IFT27: variants seen among roughly 807,000 people sequenced by gnomAD.
The protein encoded by IFT27 is intraflagellar transport 27.
Under a neutral mutation model 23.9 loss-of-function variants are expected in IFT27, and 19 were observed. The observed-to-expected ratio is 0.79, with a 90% CI of 0.55 to 1.16. The LOEUF (loss-of-function observed/expected upper bound fraction) is 1.16, where lower values mean the gene tolerates loss of function less well. IFT27 is among the 50% of genes most tolerant of loss of function. The probability of loss-of-function intolerance (pLI) is 0.00; values close to 1 mark genes in which losing one functional copy is unlikely to be tolerated. For synonymous variants in IFT27, 91 were observed against 89.1 expected (o/e 1.02, Z -0.12); for missense variants, 206 against 228.7 (o/e 0.90, Z 0.64).
chr22:36,760,188 T>C (rs1938045524), intron 6 of IFT27: 1 of 152,202 alleles, frequency 6.6e-6, no homozygotes, highest in African/African-American at 2.4e-5. Flanking sequence ...GGCAAGCCAG[T>C]GTCGGGGTAA....
rs1427897621 is a variant in IFT27, at chr22:36,773,519, TG to T, written c.34+2154del. Among the ~76,000 whole-genome samples, 200 of 151,256 alleles carry T rather than the reference TG, an allele frequency of 1.3e-3. 2 individuals carry two copies. The highest frequency in any genetic ancestry group is 6.8e-3 in the Middle Eastern group (2 of 294). On this transcript the variant is annotated intron_variant, in intron 1 of 6. Coordinates refer to ENST00000433985, the MANE Select transcript of IFT27 (RefSeq NM_001177701.3). ...AATACAAAAAATTAGCTGGGTATGG[TG>T]GTGGGCGCCTGTAATCCCAGCTACT...
Position 36,758,321 on chromosome 22 carries a change from G to A in IFT27, c.551C>T (p.Ala184Val), listed in dbSNP as rs1937985949. Residue 184 changes from alanine to valine, a missense_variant, in exon 7 of 7, where the codon GCC (alanine) becomes GTC (valine). Ala to Val is a moderately conservative substitution (Grantham distance 64, BLOSUM62 0). Transcript: ENST00000433985. Reference protein sequence around the residue: ...LYREKVEVFRALA With the variant: ...LYREKVEVFRVLA Reference sequence around the variant, plus strand: ...ATCTGCTCCAGCTCGTCATGCCAGGGCCCGGAAAACCTCCACCTTCTCCCG... The same window carrying A: ...ATCTGCTCCAGCTCGTCATGCCAGGACCCGGAAAACCTCCACCTTCTCCCG... 6.2e-7 allele frequency: 1 copy of A among 1,613,718 alleles called. No individual in the cohort carries two copies. Among genetic ancestry groups the A allele is most frequent in the Non-Finnish European group, 8.5e-7 (1 of 1,179,584 alleles).
In IFT27 at chr22:36,769,227, C is replaced by T. The variant is rs1203389148; in HGVS notation, c.35-1365G>A. On this transcript the variant is annotated intron_variant, in intron 1 of 6. Coordinates refer to ENST00000433985, the MANE Select transcript of IFT27 (RefSeq NM_001177701.3). The stretch of plus-strand genomic sequence containing the variant: ...CACACAATCCCATTCATTCCTTCCC[C>T]GCCAAGGTATCATTCACCTTACCTG... Among the ~76,000 whole-genome samples, 3 of 152,182 alleles carry T rather than the reference C, an allele frequency of 2.0e-5. No homozygotes were observed. In the East Asian group the frequency reaches 5.8e-4, roughly 29 times the overall value.
At chr22:36,769,511 T>G (rs1601500450) in intron 1 of IFT27, among the ~76,000 whole-genome samples, 1 of 152,158 alleles carries the variant, frequency 6.6e-6, no homozygotes, top group Non-Finnish European at 1.5e-5. Flanking sequence ...CACGCCACCA[T>G]GACCAGCTAA....
chr22:36,768,056 G>A (rs1218426237), intron 1 of IFT27, 194 bp from the exon 2 acceptor site: 1 of 694,042 alleles, frequency 1.4e-6, no homozygotes, highest in South Asian at 1.5e-5. Flanking sequence ...CCTCACAACA[G>A]CCAGAGCACA....
At chr22:36,771,448 G>A (rs953860061) in intron 1 of IFT27, among the ~76,000 whole-genome samples, 2 of 152,172 alleles carry the variant, frequency 1.3e-5, no homozygotes, top group Admixed American at 6.5e-5. Context: ...AACTGGTTTG[G>A]TGTGTCTTGC....
intron 4 of IFT27, 144 bp downstream of exon 4, chr22:36,765,994 G>C (rs1440890025): frequency 3.3e-5 from 24 of 735,694 alleles, no homozygotes; most frequent in Non-Finnish European, 5.6e-5. Flanking sequence ...TGAGTCCTGG[G>C]CTGGGAGGAA....
At chr22:36,760,897 C>T (rs562993241) in intron 6 of IFT27, 2 of 167,254 alleles carry the variant, frequency 1.2e-5, no homozygotes, top group East Asian at 3.9e-4. Flanking sequence ...GTAGGGACCT[C>T]CTTTGGGTAG....
intron 1 of IFT27, among the ~76,000 whole-genome samples, chr22:36,768,795 T>A (rs906925145): frequency 6.6e-6 from 1 of 152,214 alleles, no homozygotes; most frequent in Non-Finnish European, 1.5e-5. Flanking sequence ...ATTTGCAGCC[T>A]CTTTTCCTCC....
At chr22:36,766,269 A>C in intron 3 of IFT27, 72 bp from the exon 4 acceptor site, 98 of 1,245,970 alleles carry the variant, frequency 7.9e-5, no homozygotes, top group Non-Finnish European at 9.9e-5. Flanking sequence ...TATCACTCTC[A>C]ACTCACACTG....
At chr22:36,768,506 AC>A (rs1938315451) in intron 1 of IFT27, 1 of 181,590 alleles carries the variant, frequency 5.5e-6, no homozygotes, top group East Asian at 1.6e-4. Flanking sequence ...AATAGCAGTC[AC>A]CTCCTCCAAG....
chr22:36,763,163 G>A (rs905610731), intron 5 of IFT27, 150 bp from the exon 6 acceptor site: 13 of 503,104 alleles, frequency 2.6e-5, no homozygotes, highest in Admixed American at 1.2e-4. Flanking sequence ...AGGGAAAGCC[G>A]GGGGTCTCTC....
intron 6 of IFT27, chr22:36,759,950 G>A (rs1201710348): frequency 6.6e-6 from 1 of 152,260 alleles, no homozygotes; most frequent in Non-Finnish European, 1.5e-5. Context: ...GGACTTTCTA[G>A]CAAGGGAAAG....
chr22:36,767,703 A>G, intron 2 of IFT27, 80 bp downstream of exon 2: 1 of 1,302,044 alleles, frequency 7.7e-7, no homozygotes, highest in Non-Finnish European at 1.1e-6. Flanking sequence ...GGCTTCCCTC[A>G]AGGAACTTCG....
chr22:36,768,068 T>G, intron 1 of IFT27: 1 of 683,612 alleles, frequency 1.5e-6, no homozygotes, highest in East Asian at 2.9e-5. Flanking sequence ...CAGAGCACAC[T>G]TCTGCACGGC....
intron 6 of IFT27, chr22:36,758,683 G>C (rs1937998400): frequency 4.4e-6 from 2 of 451,482 alleles, no homozygotes; most frequent in Non-Finnish European, 8.1e-6. Context: ...TACAAAGCCT[G>C]TGCTTTTAGT....
intron 1 of IFT27, chr22:36,768,092 C>T (rs1400788661): frequency 3.1e-6 from 2 of 653,764 alleles, no homozygotes; most frequent in Non-Finnish European, 2.9e-6. Flanking sequence ...GCCTTTTATC[C>T]ACAGGAACTG....
intron 1 of IFT27, chr22:36,772,702 A>C (rs1409570149): frequency 5.1e-6 from 5 of 984,768 alleles, no homozygotes; most frequent in Middle Eastern, 5.2e-4. Flanking sequence ...ACTCTGACGT[A>C]GTAGGTGCTC....
At chr22:36,767,007 C>A in intron 3 of IFT27, 1 of 219,656 alleles carries the variant, frequency 4.6e-6, no homozygotes, top group Admixed American at 5.5e-5. Context: ...CACACACAAA[C>A]ATAACGTCTT....
Sources: allele counts gnomAD v4.1 joint callset (sites outside exome capture counted in the v4.1 genomes callset), GRCh38; gene constraint gnomAD v4.1.1; transcripts MANE v1.5; gene names NCBI Gene and HGNC (gene_info 2026-07-23, HGNC 2026-07-21).